The following EPHX4 variants were observed in gnomAD, a reference collection of about 807,000 sequenced individuals.
The protein encoded by EPHX4 is abhydrolase domain containing 7.
Under a neutral mutation model 44.9 loss-of-function variants are expected in EPHX4, and 31 were observed. That is an observed-to-expected ratio of 0.69 (90% CI 0.52 to 0.93). EPHX4 has a LOEUF of 0.93. Among genes scored for constraint, EPHX4 ranks in the 40% least tolerant of loss-of-function variants. The pLI, the probability that EPHX4 is intolerant of heterozygous loss-of-function variation, is 0.00. For synonymous variants in EPHX4, 151 were observed against 159.7 expected (o/e 0.95, Z 0.41); for missense variants, 373 against 438.1 (o/e 0.85, Z 1.33).
At chr1:92,035,675 C>T (rs576699877) in intron 2 of EPHX4, among the ~76,000 whole-genome samples, 139 of 152,118 alleles carry the variant, frequency 9.1e-4, no homozygotes, top group African/African-American at 3.2e-3. Context: ...ACATGGTAAA[C>T]GTGTGCCATG....
intron 3 of EPHX4, chr1:92,043,285 G>A: frequency 5.4e-6 from 1 of 184,606 alleles, no homozygotes; most frequent in South Asian, 1.3e-4. Context: ...GCTGAGGCGG[G>A]CAGATCACCT....
intron 6 of EPHX4, among the ~76,000 whole-genome samples, chr1:92,060,454 T>C (rs907898250): frequency 1.3e-5 from 2 of 150,404 alleles, no homozygotes; most frequent in African/African-American, 2.5e-5. Flanking sequence ...AAAAAAAAAA[T>C]AGTTTTTAAA....
intron 5 of EPHX4, 68 bp downstream of exon 5, chr1:92,050,488 C>A: frequency 2.3e-6 from 2 of 853,672 alleles, no homozygotes; most frequent in Non-Finnish European, 3.4e-6. Flanking sequence ...TTAAAGTCCA[C>A]GTTTAAGAAG....
intron 3 of EPHX4, among the ~76,000 whole-genome samples, chr1:92,044,071 T>C (rs1223958703): frequency 6.6e-6 from 1 of 152,224 alleles, no homozygotes; most frequent in African/African-American, 2.4e-5. Flanking sequence ...CTATTAATAC[T>C]ATATCCCTTT....
chr1:92,055,562 G>A (rs1251810475), intron 6 of EPHX4, among the ~76,000 whole-genome samples: 1 of 152,126 alleles, frequency 6.6e-6, no homozygotes, highest in Non-Finnish European at 1.5e-5. Flanking sequence ...GCAAGGCAAT[G>A]GTTAGAAAGG....
chr1:92,045,016 G>A (rs1218790674), intron 3 of EPHX4, among the ~76,000 whole-genome samples: 2 of 152,086 alleles, frequency 1.3e-5, no homozygotes, highest in Non-Finnish European at 2.9e-5. Flanking sequence ...AGGCTGGAAT[G>A]CAGTGGCATG....
chr1:92,053,468 C>A (rs940174464), intron 6 of EPHX4, among the ~76,000 whole-genome samples: 1 of 152,122 alleles, frequency 6.6e-6, no homozygotes, highest in South Asian at 2.1e-4. Context: ...AAAAGAAAAA[C>A]AACCTACATG....
At chr1:92,056,166 C>T (rs1647360777) in intron 6 of EPHX4, among the ~76,000 whole-genome samples, 1 of 152,156 alleles carries the variant, frequency 6.6e-6, no homozygotes, top group East Asian at 1.9e-4. Context: ...CTGAGTAATT[C>T]TTTATATAGA....
rs1688339098 is a variant in EPHX4, at chr1:92,030,302, C to A, written c.223C>A (p.Arg75=). 4 of 1,568,804 alleles carry A rather than the reference C, an allele frequency of 2.5e-6. No individual in the cohort carries two copies. Among genetic ancestry groups the A allele is most frequent in the Non-Finnish European group, 3.5e-6 (4 of 1,158,934 alleles). The change falls in exon 1 of 7, where the codon CGG becomes AGG. Residue 75 remains arginine (R), a synonymous_variant. Transcript: ENST00000370383. ...DPSLGTHCYV[R]IKDSGLRFHY... ...CTCCTTGGGCACCCACTGCTACGTG[C>A]GGATCAAGGTGAAGGGCCGCGCGGG...
In EPHX4 at chr1:92,052,672, C is replaced by A. The variant is rs778032669; in HGVS notation, c.857+14C>A. On this transcript the variant is annotated intron_variant, in intron 6 of 6. Transcript: ENST00000370383. ...AAATATCTTCAGGTAAGTATAATTT[C>A]TTTTTAGTTAAATAAAAATATTTCA... The A allele has an allele frequency of 2.4e-5, 37 of 1,571,268 alleles. No individual in the cohort carries two copies. Among genetic ancestry groups the A allele is most frequent in the Non-Finnish European group, 3.0e-5 (35 of 1,165,054 alleles).
At chr1:92,048,814 G>A (rs544276895) in intron 4 of EPHX4, among the ~76,000 whole-genome samples, 13 of 151,992 alleles carry the variant, frequency 8.6e-5, no homozygotes, top group African/African-American at 3.1e-4. Flanking sequence ...CTCAAGGCTG[G>A]GCTCAAGTGA....
intron 1 of EPHX4, among the ~76,000 whole-genome samples, chr1:92,030,818 C>T (rs1688349290): frequency 6.6e-6 from 1 of 152,016 alleles, no homozygotes; most frequent in Non-Finnish European, 1.5e-5. Flanking sequence ...TGATCACAGA[C>T]GACTTAGGTT....
intron 2 of EPHX4, among the ~76,000 whole-genome samples, chr1:92,037,996 G>A (rs1185919131): frequency 6.6e-6 from 1 of 152,098 alleles, no homozygotes; most frequent in Non-Finnish European, 1.5e-5. Context: ...TACATCAAAT[G>A]TGTTTTATTT....
chr1:92,057,028 GA>G (rs1647384061), intron 6 of EPHX4, among the ~76,000 whole-genome samples: 1 of 151,770 alleles, frequency 6.6e-6, no homozygotes, highest in Non-Finnish European at 1.5e-5. Flanking sequence ...AAAACATGAG[GA>G]ATAGTTAAAA....
In EPHX4 at chr1:92,052,617, A is replaced by G. The variant is rs1165602951; in HGVS notation, c.816A>G (p.Gly272=). The change falls in exon 6 of 7, where the codon GGA becomes GGG. Residue 272 remains glycine, a synonymous_variant. Transcript: ENST00000370383. ...ATATTTATGTCTTTTCTCAGCCTGG[A>G]GCATTAAGTGGCCCAATTAACCATT... ...EAYIYVFSQP[G]ALSGPINHYR... 1 of 1,611,752 alleles carries G rather than the reference A, an allele frequency of 6.2e-7. No homozygotes were observed. Among genetic ancestry groups the G allele is most frequent in the Non-Finnish European group, 8.5e-7 (1 of 1,179,396 alleles).
At chr1:92,046,264 A>C (rs2101871091) in intron 4 of EPHX4, among the ~76,000 whole-genome samples, 2 of 152,324 alleles carry the variant, frequency 1.3e-5, no homozygotes, top group East Asian at 3.9e-4. Context: ...TTTAGTGAAA[A>C]GAGTGTCATC....
chr1:92,057,754 C>A (rs900843586), intron 6 of EPHX4, among the ~76,000 whole-genome samples: 2 of 152,002 alleles, frequency 1.3e-5, no homozygotes, highest in African/African-American at 4.8e-5. Flanking sequence ...TGTGTACCAC[C>A]GTGTCCGGCT....
At chr1:92,048,995 G>T (rs1688620993) in intron 4 of EPHX4, among the ~76,000 whole-genome samples, 1 of 151,568 alleles carries the variant, frequency 6.6e-6, no homozygotes, top group Non-Finnish European at 1.5e-5. Context: ...GAGCCACCAT[G>T]CCTGGCTTTA....
At chr1:92,055,173 A>G (rs561728751) in intron 6 of EPHX4, among the ~76,000 whole-genome samples, 1 of 152,288 alleles carries the variant, frequency 6.6e-6, no homozygotes, top group East Asian at 1.9e-4. Context: ...ACAAACTAAA[A>G]TGACAAAACA....
Sources: allele counts gnomAD v4.1 joint callset (sites outside exome capture counted in the v4.1 genomes callset), GRCh38; gene constraint gnomAD v4.1.1; transcripts MANE v1.5; gene names NCBI Gene and HGNC (gene_info 2026-07-23, HGNC 2026-07-21).